The following GATB variants were observed in gnomAD, a reference collection of about 807,000 sequenced individuals.
GATB encodes the protein glutamyl-tRNA amidotransferase subunit B.
GATB carries 39 observed loss-of-function variants against 62.3 expected under a neutral mutation model. The ratio of observed to expected loss-of-function variants is 0.63; its 90% confidence interval spans 0.48 to 0.82. The LOEUF is 0.82. GATB is among the 40% of genes least tolerant of loss of function. GATB has a pLI of 0.00. For missense variants in GATB, 670 were observed against 684.0 expected (o/e 0.98, Z 0.23); for synonymous variants, 276 against 258.9 (o/e 1.07, Z -0.63).
chr4:151,756,559 C>G (rs989297380), intron 2 of GATB, among the ~76,000 whole-genome samples: 1 of 152,176 alleles, frequency 6.6e-6, no homozygotes, highest in Admixed American at 6.5e-5. Context: ...GCTACTTAAA[C>G]CATAAGCGTT....
At chr4:151,748,590 A>C (rs1236856927) in intron 2 of GATB, among the ~76,000 whole-genome samples, 1 of 152,196 alleles carries the variant, frequency 6.6e-6, no homozygotes, top group Non-Finnish European at 1.5e-5. Context: ...ACCATTCAGG[A>C]CATAGGCATG....
chr4:151,752,985 C>T (rs1739748938), intron 2 of GATB, among the ~76,000 whole-genome samples: 1 of 152,122 alleles, frequency 6.6e-6, no homozygotes, highest in Non-Finnish European at 1.5e-5. Context: ...TCATGTTCTT[C>T]CCACTAGGGT....
chr4:151,690,391 A>G (rs997199758), intron 9 of GATB, among the ~76,000 whole-genome samples: 2 of 152,262 alleles, frequency 1.3e-5, no homozygotes, highest in Non-Finnish European at 2.9e-5. Context: ...CCCAAGCTTG[A>G]CTACAGATAA....
At chr4:151,711,024 C>T (rs1738808523) in intron 5 of GATB, among the ~76,000 whole-genome samples, 1 of 152,176 alleles carries the variant, frequency 6.6e-6, no homozygotes, top group African/African-American at 2.4e-5. Context: ...TAAACAGCAC[C>T]ACCATCTAGC....
intron 12 of GATB, among the ~76,000 whole-genome samples, chr4:151,671,628 T>C (rs1737863943): frequency 6.6e-6 from 1 of 152,102 alleles, no homozygotes; most frequent in African/African-American, 2.4e-5. Flanking sequence ...TGGGGAGGGA[T>C]AATCTCTCTG....
chr4:151,705,071 A>C, intron 7 of GATB, 114 bp downstream of exon 7: 1 of 682,814 alleles, frequency 1.5e-6, no homozygotes, highest in Non-Finnish European at 2.6e-6. Context: ...GAGGAAACCT[A>C]AAAGTGGAGA....
intron 2 of GATB, among the ~76,000 whole-genome samples, chr4:151,731,862 G>A (rs1239957395): frequency 6.6e-6 from 1 of 151,138 alleles, no homozygotes; most frequent in Non-Finnish European, 1.5e-5. Context: ...TGAGAAGTGA[G>A]GAGCCCCTCC....
chr4:151,700,946 T>C (rs1738589529), intron 9 of GATB, among the ~76,000 whole-genome samples: 1 of 152,230 alleles, frequency 6.6e-6, no homozygotes, highest in South Asian at 2.1e-4. Context: ...AGCCCTGTCA[T>C]GGCTCGATAC....
At chr4:151,731,455 C>T (rs1179674236) in intron 2 of GATB, among the ~76,000 whole-genome samples, 1 of 152,170 alleles carries the variant, frequency 6.6e-6, no homozygotes, top group Non-Finnish European at 1.5e-5. Flanking sequence ...GGCGTGATCT[C>T]GGCTAGCTAC....
intron 3 of GATB, among the ~76,000 whole-genome samples, chr4:151,717,916 G>A (rs1242609148): frequency 6.6e-6 from 1 of 152,210 alleles, no homozygotes; most frequent in Non-Finnish European, 1.5e-5. Flanking sequence ...GGAGGAACAA[G>A]GCGTGGAGGG....
chr4:151,731,490 C>T (rs1322627355), intron 2 of GATB, among the ~76,000 whole-genome samples: 1 of 152,212 alleles, frequency 6.6e-6, no homozygotes, highest in Non-Finnish European at 1.5e-5. Context: ...AGCCGCCTGC[C>T]TTGGCCTCCC....
intron 2 of GATB, among the ~76,000 whole-genome samples, chr4:151,724,666 G>GC (rs1189789967): frequency 6.6e-6 from 1 of 151,926 alleles, no homozygotes; most frequent in Non-Finnish European, 1.5e-5. Context: ...ATCTGCTTGA[G>GC]CAAGATCTTA....
intron 1 of GATB, among the ~76,000 whole-genome samples, chr4:151,760,379 C>T (rs1382085687): frequency 6.6e-6 from 1 of 152,134 alleles, no homozygotes. Context: ...TGACAATAAC[C>T]CACCACTACC....
chr4:151,679,940 G>A (rs368156732), intron 10 of GATB, 49 bp from the exon 11 acceptor site: 277 of 1,536,222 alleles, frequency 1.8e-4, no homozygotes, highest in Non-Finnish European at 1.5e-4. Context: ...CACTGTCAGG[G>A]CATCCATGAA....
intron 2 of GATB, among the ~76,000 whole-genome samples, chr4:151,729,569 T>C (rs1204979612): frequency 6.6e-6 from 1 of 152,180 alleles, no homozygotes; most frequent in Non-Finnish European, 1.5e-5. Flanking sequence ...CTAAGATATT[T>C]AGAGAGGAAG....
chr4:151,732,977 G>A (rs115668168), intron 2 of GATB, among the ~76,000 whole-genome samples: 2,011 of 152,016 alleles, frequency 0.013, 42 homozygotes, highest in African/African-American at 0.046. Context: ...GAAGGTGTTA[G>A]GAGGAAAGTT....
intron 5 of GATB, among the ~76,000 whole-genome samples, chr4:151,710,831 C>T (rs1378296683): frequency 6.6e-6 from 1 of 152,140 alleles, no homozygotes; most frequent in Non-Finnish European, 1.5e-5. Flanking sequence ...TTTTAAATAC[C>T]ACCTCATGCT....
chr4:151,721,431 G>C (rs1188231010), intron 2 of GATB: 1 of 152,198 alleles, frequency 6.6e-6, no homozygotes, highest in South Asian at 2.1e-4. Context: ...AGATGTGTGG[G>C]GAACAGGAGG....
At chr4:151,759,744 A>G (rs1739912574) in intron 1 of GATB, among the ~76,000 whole-genome samples, 1 of 152,098 alleles carries the variant, frequency 6.6e-6, no homozygotes, top group Admixed American at 6.5e-5. Flanking sequence ...TATGAAATCC[A>G]TGTATGTTCC....
Sources: gnomAD v4.1 joint callset for allele counts (sites outside exome capture counted in the v4.1 genomes callset) on GRCh38, gnomAD v4.1.1 for gene constraint, MANE v1.5 for transcripts, NCBI Gene and HGNC (gene_info 2026-07-23, HGNC 2026-07-21) for gene names.